Variants in LINGO2 observed in about 807,000 individuals in gnomAD.
The protein encoded by LINGO2 is leucine-rich repeat and immunoglobulin-like domain-containing nogo receptor-interacting protein 2.
In LINGO2, 14 loss-of-function variants were observed where a neutral mutation model predicts 30.6. The ratio of observed to expected loss-of-function variants is 0.46; its 90% CI spans 0.30 to 0.72. The LOEUF (loss-of-function observed/expected upper bound fraction) is 0.72. LINGO2 is among the 30% of genes least tolerant of loss of function. The pLI is 0.07. For missense variants in LINGO2, 729 were observed against 751.7 expected, an observed-to-expected ratio of 0.97 and a Z score of 0.35; for synonymous variants, 317 against 288.5, an observed-to-expected ratio of 1.10 and a Z score of -1.00.
the LINGO2 span, among the ~76,000 whole-genome samples, chr9:29,187,384 A>C: frequency 6.6e-6 from 1 of 152,226 alleles, no homozygotes; most frequent in African/African-American, 2.4e-5. Context: ...TTGATAAGCA[A>C]AATCAAAATC....
intron 4 of LINGO2, among the ~76,000 whole-genome samples, chr9:28,257,232 T>A (rs1822412132): frequency 6.6e-6 from 1 of 151,906 alleles, no homozygotes; most frequent in East Asian, 1.9e-4. Context: ...GCATAAAGCG[T>A]CTCTTAGACT....
chr9:28,374,931 A>G (rs549693271), intron 2 of LINGO2, among the ~76,000 whole-genome samples: 179 of 152,294 alleles, frequency 1.2e-3, no homozygotes, highest in South Asian at 9.1e-3. Context: ...AATTAAAAAG[A>G]TAAGGACAAA....
At chr9:28,040,600 G>C (rs1824157602) in intron 4 of LINGO2, among the ~76,000 whole-genome samples, 2 of 151,982 alleles carry the variant, frequency 1.3e-5, no homozygotes, top group Non-Finnish European at 2.9e-5. Context: ...TACTAACTGA[G>C]CGCTATCAAC....
the LINGO2 span, among the ~76,000 whole-genome samples, chr9:29,056,764 G>T: frequency 6.6e-6 from 1 of 152,040 alleles, no homozygotes; most frequent in Non-Finnish European, 1.5e-5. Flanking sequence ...TAATTTTTCT[G>T]TAAGGTAAGA....
At chr9:28,033,892 C>T (rs543744896) in intron 4 of LINGO2, among the ~76,000 whole-genome samples, 3 of 152,316 alleles carry the variant, frequency 2.0e-5, no homozygotes, top group African/African-American at 4.8e-5. Context: ...TCCCATCCCC[C>T]ACACCCAAGT....
chr9:28,360,268 G>C (rs77057661), intron 3 of LINGO2, among the ~76,000 whole-genome samples: 178 of 152,228 alleles, frequency 1.2e-3, no homozygotes, highest in African/African-American at 4.0e-3. Flanking sequence ...CCTTTAAACC[G>C]TCAGCCAGAG....
chr9:28,426,750 G>A (rs757996229), intron 2 of LINGO2, among the ~76,000 whole-genome samples: 1 of 151,966 alleles, frequency 6.6e-6, no homozygotes, highest in Non-Finnish European at 1.5e-5. Context: ...TTGTTTAAAG[G>A]GAAATTGCAT....
chr9:29,082,576 A>C, the LINGO2 span, among the ~76,000 whole-genome samples: 29,947 of 151,904 alleles, frequency 0.2, 3,084 homozygotes, highest in African/African-American at 0.24. Context: ...CCAAAATTGA[A>C]AAATGGGATC....
chr9:28,914,839 G>C, the LINGO2 span, among the ~76,000 whole-genome samples: 1 of 152,106 alleles, frequency 6.6e-6, no homozygotes, highest in African/African-American at 2.4e-5. Context: ...ATGTTTTAAA[G>C]ATAGTCACAA....
the LINGO2 span, among the ~76,000 whole-genome samples, chr9:28,879,895 C>A: frequency 2.0e-5 from 3 of 152,082 alleles, no homozygotes; most frequent in Non-Finnish European, 2.9e-5. Context: ...AATCAGAAAG[C>A]CTATGTGTAT....
chr9:29,212,283 G>A, the LINGO2 span, among the ~76,000 whole-genome samples: 10 of 151,860 alleles, frequency 6.6e-5, no homozygotes, highest in Non-Finnish European at 1.0e-4. Flanking sequence ...CCGCGAGCAC[G>A]CTGGCTCTCC....
the LINGO2 span, among the ~76,000 whole-genome samples, chr9:28,990,760 C>A: frequency 1.2e-5 from 1 of 86,444 alleles, no homozygotes; most frequent in African/African-American, 3.2e-5. Context: ...CTGGAGTGGA[C>A]CTTAGCAAAC....
chr9:29,202,888 T>C, the LINGO2 span, among the ~76,000 whole-genome samples: 1 of 152,056 alleles, frequency 6.6e-6, no homozygotes, highest in Admixed American at 6.6e-5. Flanking sequence ...CAGTCAACCA[T>C]ACCTAAGTAT....
At chr9:28,871,577 A>C in the LINGO2 span, among the ~76,000 whole-genome samples, 11 of 151,978 alleles carry the variant, frequency 7.2e-5, no homozygotes, top group Non-Finnish European at 1.5e-4. Context: ...ATATAAAAAT[A>C]TTAAGCTTAG....
At chr9:28,562,457 C>CAAAAAAAAAAAAA (rs56998877) in intron 1 of LINGO2, among the ~76,000 whole-genome samples, 12 of 109,166 alleles carry the variant, frequency 1.1e-4, no homozygotes, top group East Asian at 5.6e-4. Context: ...CATTTACTTT[C>CAAAAAAAAAAAAA]AAAAAAAAAA....
the LINGO2 span, among the ~76,000 whole-genome samples, chr9:28,937,744 A>T: frequency 6.6e-6 from 1 of 152,098 alleles, no homozygotes; most frequent in East Asian, 1.9e-4. Context: ...CTGCGGTGTG[A>T]GTGGCAGACC....
chr9:28,351,115 C>G (rs1442731690), intron 3 of LINGO2, among the ~76,000 whole-genome samples: 1 of 151,304 alleles, frequency 6.6e-6, no homozygotes, highest in Non-Finnish European at 1.5e-5. Context: ...CAAACACATT[C>G]AAAAGCTAGC....
the LINGO2 span, among the ~76,000 whole-genome samples, chr9:28,919,288 T>C: frequency 6.6e-6 from 1 of 152,060 alleles, no homozygotes; most frequent in African/African-American, 2.4e-5. Context: ...TGAATCCGTA[T>C]GATGATGATG....
rs541147218 is a variant in LINGO2, at chr9:28,463,206, T to G, written c.-279+12734A>C. ...ATCTATAATTCTTTACCTAGATATGTAACATCACGTATTAAAGGAAAAATG... is the reference window on the plus strand; with the variant it reads ...ATCTATAATTCTTTACCTAGATATGGAACATCACGTATTAAAGGAAAAATG... On this transcript the variant is annotated intron_variant, in intron 2 of 5. Transcript: ENST00000379992. Among the ~76,000 whole-genome samples, 9 of 152,182 alleles carry G rather than the reference T, an allele frequency of 5.9e-5. No homozygotes were observed. The South Asian group carries it at 1.9e-3, about 32-fold the overall frequency.
Sources: gnomAD v4.1 joint callset for allele counts (sites outside exome capture counted in the v4.1 genomes callset) on GRCh38, gnomAD v4.1.1 for gene constraint, MANE v1.5 for transcripts, NCBI Gene and HGNC (gene_info 2026-07-23, HGNC 2026-07-21) for gene names.